TNRC6C: variants seen among roughly 807,000 people sequenced by gnomAD.
TNRC6C encodes the protein trinucleotide repeat containing adaptor 6C.
In TNRC6C, 20 loss-of-function variants were observed where a neutral mutation model predicts 153.7. That is an observed-to-expected ratio of 0.13 (90% confidence interval 0.09 to 0.19). The LOEUF is 0.19. Ranked by LOEUF, TNRC6C falls within the 10% of genes least tolerant of loss-of-function variation. The probability of loss-of-function intolerance (pLI) is 1.00; values close to 1 mark genes in which losing one functional copy is unlikely to be tolerated. For missense variants in TNRC6C, 1,987 were observed against 2,172.0 expected, an observed-to-expected ratio of 0.91 and a Z score of 1.69; for synonymous variants, 811 against 841.4, an observed-to-expected ratio of 0.96 and a Z score of 0.63.
At chr17:77,969,120 C>T (rs2070921284) in intron 1 of TNRC6C, among the ~76,000 whole-genome samples, 1 of 152,174 alleles carries the variant, frequency 6.6e-6, no homozygotes, top group Non-Finnish European at 1.5e-5. Context: ...TTCATTTATT[C>T]TCCTTAATAA....
rs370565699 is a variant in TNRC6C at position 78,107,160 on chromosome 17, G to A, written c.*2315G>A. The A allele has an allele frequency of 7.9e-5, 12 of 152,302 alleles. No homozygotes were observed. The South Asian group carries it at 1.0e-3, about 13-fold the overall frequency. The allele number at this position is 152,302 out of a possible 1,614,324, so 9.4% of individuals were successfully genotyped here. On this transcript the variant is annotated 3_prime_UTR_variant, in exon 20 of 20. Transcript: ENST00000301624. ...CCGACATACCACTTCCCGTGCTGCC[G>A]GCGAGCATTGAGTTGTAGAAAAACT...
At chr17:78,098,679 C>T (rs1349484744) in intron 17 of TNRC6C, 142 bp downstream of exon 20, 1 of 853,858 alleles carries the variant, frequency 1.2e-6, no homozygotes, top group African/African-American at 1.7e-5. Context: ...CCAGGGCCAC[C>T]CTAGATGTCC....
rs376642000 is a variant in TNRC6C at position 78,105,130 on chromosome 17, A to G, written c.*285A>G. On this transcript the variant is annotated 3_prime_UTR_variant, in exon 20 of 20. Coordinates refer to ENST00000301624, the Ensembl canonical transcript of TNRC6C. ...TCATTTTGATTTTTTTTTTTTTTTT[A>G]AGTATAAAAGCTGCTTAGAATAGTT... 3 of 305,248 alleles carry G rather than the reference A, an allele frequency of 9.8e-6. No individual in the cohort carries two copies. In the East Asian group the frequency reaches 1.5e-4, roughly 15 times the overall value. The allele number at this position is 305,248 out of a possible 1,614,324, so 18.9% of individuals were successfully genotyped here. A position where few individuals can be genotyped will look rare whatever the true frequency, so the allele number is the denominator to read the frequency against.
chr17:78,051,030 G>T, exon 3 of TNRC6C: 1 of 1,613,396 alleles, frequency 6.2e-7, no homozygotes, highest in Non-Finnish European at 8.5e-7. Flanking sequence ...CAAACTGGGG[G>T]GAGACTTTAA....
intron 3 of TNRC6C, among the ~76,000 whole-genome samples, chr17:78,059,474 A>G (rs1462338286): frequency 1.3e-5 from 2 of 152,210 alleles, no homozygotes; most frequent in Non-Finnish European, 1.5e-5. Context: ...CCGTGGCGTG[A>G]GACGTGTGAA....
At chr17:77,995,764 G>A (rs968105083) in intron 1 of TNRC6C, among the ~76,000 whole-genome samples, 2 of 152,208 alleles carry the variant, frequency 1.3e-5, no homozygotes, top group Non-Finnish European at 2.9e-5. Context: ...TTGACTGAAA[G>A]TGGAGTGCTA....
chr17:78,013,449 T>C (rs2071671714), intron 1 of TNRC6C, among the ~76,000 whole-genome samples: 1 of 152,174 alleles, frequency 6.6e-6, no homozygotes. Context: ...TAGGCAGAAC[T>C]TAGAAACTAA....
At chr17:78,027,911 T>G (rs2071974281) in intron 1 of TNRC6C, among the ~76,000 whole-genome samples, 1 of 151,466 alleles carries the variant, frequency 6.6e-6, no homozygotes, top group Non-Finnish European at 1.5e-5. Context: ...AGGTTTTTTT[T>G]TTTTTTTTTT....
rs768223702 is a variant in TNRC6C, at chr17:78,104,872, G to A, written c.*27G>A. Reference sequence around the variant, plus strand: ...CTCTGCCATCATCAGCACCAGGAGAGCCGACCCCTCCCGGGACCCCTCCCG... The same window carrying A: ...CTCTGCCATCATCAGCACCAGGAGAACCGACCCCTCCCGGGACCCCTCCCG... On this transcript the variant is annotated 3_prime_UTR_variant, in exon 20 of 20. Coordinates refer to ENST00000301624, the Ensembl canonical transcript of TNRC6C. This position sits in a 1 kb window ranked among gnomAD's most constrained non-coding sequence, Gnocchi z 6.2. 19 of 1,393,192 alleles carry A rather than the reference G, an allele frequency of 1.4e-5. No homozygotes were observed. In the African/African-American group the frequency reaches 2.4e-4, roughly 18 times the overall value. 86.3% of individuals were successfully genotyped at this position (1,393,192 alleles called of 1,614,324 possible). A position where few individuals can be genotyped will look rare whatever the true frequency, so the allele number is the denominator to read the frequency against.
At chr17:78,050,890 G>A in exon 3 of TNRC6C, 1 of 1,613,990 alleles carries the variant, frequency 6.2e-7, no homozygotes, top group Non-Finnish European at 8.5e-7. Context: ...TGGACACTTG[G>A]GGGATGGGAA....
upstream of TNRC6C, among the ~76,000 whole-genome samples, chr17:78,003,727 A>G (rs1269495734): frequency 3.3e-5 from 5 of 152,230 alleles, no homozygotes; most frequent in Non-Finnish European, 7.3e-5. Context: ...GGGAGAAAAG[A>G]TACATCACCC....
intron 1 of TNRC6C, among the ~76,000 whole-genome samples, chr17:77,967,365 T>C (rs1057228214): frequency 1.3e-5 from 2 of 152,170 alleles, no homozygotes; most frequent in Non-Finnish European, 2.9e-5. Context: ...ATAACAATCA[T>C]CTGTTTCTTC....
intron 2 of TNRC6C, among the ~76,000 whole-genome samples, chr17:78,043,217 G>A (rs922345273): frequency 6.6e-6 from 1 of 152,052 alleles, no homozygotes; most frequent in African/African-American, 2.4e-5. Context: ...AACTTCAGTG[G>A]GCTGGGCTGG....
At chr17:78,074,546 G>A (rs1478580747) in intron 7 of TNRC6C, among the ~76,000 whole-genome samples, 1 of 152,208 alleles carries the variant, frequency 6.6e-6, no homozygotes, top group African/African-American at 2.4e-5. Context: ...CAGAGTTAGG[G>A]TGGGCCAAAC....
At chr17:78,032,677 G>C (rs1453591392) in intron 2 of TNRC6C, among the ~76,000 whole-genome samples, 1 of 152,166 alleles carries the variant, frequency 6.6e-6, no homozygotes, top group East Asian at 1.9e-4. Flanking sequence ...GTGCAAGGAG[G>C]CTTCTTAGAT....
chr17:78,018,482 A>G (rs1355671327), intron 1 of TNRC6C, among the ~76,000 whole-genome samples: 1 of 152,190 alleles, frequency 6.6e-6, no homozygotes, highest in Non-Finnish European at 1.5e-5. Flanking sequence ...GGCACAGAAT[A>G]GGAACCCATT....
intron 8 of TNRC6C, 107 bp from the exon 11 acceptor site, chr17:78,077,078 G>A (rs1016073960): frequency 7.7e-7 from 1 of 1,290,568 alleles, no homozygotes. Context: ...TTTTTGATCT[G>A]TTAATTATTT....
At position 78,104,657 on chromosome 17, in the gene TNRC6C, G is replaced by A. The variant is rs781464498; in HGVS notation, c.4885G>A (p.Asp1629Asn). The A allele has an allele frequency of 1.5e-4, 235 of 1,544,478 alleles. No homozygotes were observed. The highest frequency in any genetic ancestry group is 3.8e-4 in the Middle Eastern group (2 of 5,270). The change falls in exon 20 of 20, where the codon GAC (aspartate) becomes AAC (asparagine). Residue 1629 changes from aspartate (D) to asparagine (N), a missense_variant. Physicochemically the swap from Asp to Asn is conservative, Grantham distance 23. Transcript: ENST00000301624. This position sits in a 1 kb window ranked among gnomAD's most constrained non-coding sequence, Gnocchi z 6.2. ...CAGCTCCCATGGCCTGGTACGCAGC[G>A]ACGCTGGCCACTGGAACGCCCCGTG...
intron 11 of TNRC6C, among the ~76,000 whole-genome samples, chr17:78,084,467 C>A (rs572225859): frequency 6.6e-6 from 1 of 152,072 alleles, no homozygotes; most frequent in East Asian, 1.9e-4. Flanking sequence ...GTCTGCTTTT[C>A]TGTAAGCAGC....
Sources: gnomAD v4.1 joint callset for allele counts (sites outside exome capture counted in the v4.1 genomes callset) on GRCh38, gnomAD v4.1.1 for gene constraint, Gnocchi (gnomAD v3.1) non-coding constraint, MANE v1.5 for transcripts, NCBI Gene and HGNC (gene_info 2026-07-23, HGNC 2026-07-21) for gene names.